Variants in MTA3 observed in about 807,000 individuals in gnomAD.
MTA3 encodes the protein metastasis-associated protein MTA3.
Under a neutral mutation model 83.5 loss-of-function variants are expected in MTA3, and 34 were observed. The ratio of observed to expected loss-of-function variants is 0.41; its 90% CI spans 0.31 to 0.54. MTA3 has a LOEUF of 0.54. Among genes scored for constraint, MTA3 ranks in the 20% least tolerant of loss-of-function variants. MTA3 has a pLI of 0.33. For missense variants in MTA3, 761 were observed against 726.4 expected (o/e 1.05, Z -0.55); for synonymous variants, 303 against 252.7 (o/e 1.20, Z -1.89).
intron 2 of MTA3, among the ~76,000 whole-genome samples, chr2:42,524,488 T>TTTG (rs1248276586): frequency 1.4e-5 from 2 of 145,722 alleles, no homozygotes. Flanking sequence ...TTTTTTTTTT[T>TTTG]TTTTTTTTGT....
chr2:42,677,600 T>C (rs1691498997), intron 8 of MTA3, among the ~76,000 whole-genome samples: 1 of 152,146 alleles, frequency 6.6e-6, no homozygotes, highest in South Asian at 2.1e-4. Flanking sequence ...TGCCTCAGCC[T>C]CCCAAAGTAC....
chr2:42,738,155 G>A (rs531107129), intron 16 of MTA3, among the ~76,000 whole-genome samples: 1 of 152,178 alleles, frequency 6.6e-6, no homozygotes, highest in South Asian at 2.1e-4. Flanking sequence ...CCAGCTACTC[G>A]GGAGGCTGAG....
At chr2:42,729,649 G>T (rs1453220385) in intron 16 of MTA3, among the ~76,000 whole-genome samples, 2 of 152,094 alleles carry the variant, frequency 1.3e-5, no homozygotes, top group East Asian at 3.8e-4. Flanking sequence ...CCATTGGTCT[G>T]TATGTCTGTT....
chr2:42,647,778 G>C lies in MTA3; in HGVS notation c.499+3534G>C, dbSNP rs1573464310. On this transcript the variant is annotated intron_variant, in intron 6 of 16. Transcript: ENST00000405094. ...TCTTATTTCAGCCTGAAGCATTAAA[G>C]CATATGCAGAATGTTTCTTTTCACT... Among the ~76,000 whole-genome samples the C allele has an allele frequency of 3.3e-5, 5 of 152,292 alleles. No individual in the cohort carries two copies. In the South Asian group the frequency reaches 1.0e-3, roughly 32 times the overall value.
Position 42,756,752 on chromosome 2 carries a change from C to G in MTA3, c.*3353C>G. 3.0e-6 allele frequency: 3 copies of G among 985,482 alleles called. No homozygotes were observed. The highest frequency in any genetic ancestry group is 3.6e-6 in the Non-Finnish European group (3 of 829,958). The allele number at this position is 985,482 out of a possible 1,614,324, so 61.0% of individuals were successfully genotyped here. On this transcript the variant is annotated 3_prime_UTR_variant, in exon 17 of 17. Transcript: ENST00000405094. ...CCATGTCCCAGTTTTCTGTCCACCC[C>G]TCCTGTTCCTCTGCACTATGTCTCT...
At chr2:42,701,243 A>G (rs1693833662) in intron 11 of MTA3, among the ~76,000 whole-genome samples, 1 of 147,696 alleles carries the variant, frequency 6.8e-6, no homozygotes, top group Non-Finnish European at 1.5e-5. Context: ...TTGAGGCTGC[A>G]ATGGGCCATG....
intron 2 of MTA3, among the ~76,000 whole-genome samples, chr2:42,516,596 C>G (rs1468142544): frequency 2.0e-5 from 3 of 152,154 alleles, no homozygotes; most frequent in African/African-American, 7.2e-5. Context: ...AAGGAAATGG[C>G]TCACCGGCGG....
intron 2 of MTA3, among the ~76,000 whole-genome samples, chr2:42,534,561 C>T (rs1001216530): frequency 1.3e-5 from 2 of 151,938 alleles, no homozygotes; most frequent in East Asian, 1.9e-4. Context: ...CGAGCCACCG[C>T]ACTCCAGCCT....
intron 14 of MTA3, among the ~76,000 whole-genome samples, chr2:42,717,036 A>G (rs780795240): frequency 3.3e-5 from 5 of 151,894 alleles, no homozygotes; most frequent in Non-Finnish European, 5.9e-5. Context: ...ACTAGTGTGA[A>G]ATAGTATCTC....
Position 42,755,493 on chromosome 2 carries a change from C to G in MTA3, c.*2094C>G, listed in dbSNP as rs1031796763. 58 of 985,346 alleles carry G rather than the reference C, an allele frequency of 5.9e-5. No homozygotes were observed. Among genetic ancestry groups the G allele is most frequent in the Non-Finnish European group, 7.0e-5 (58 of 829,970 alleles). The allele number at this position is 985,346 out of a possible 1,614,324, so 61.0% of individuals were successfully genotyped here. A position where few individuals can be genotyped will look rare whatever the true frequency, so the allele number is the denominator to read the frequency against. ...CGCAGCTTGTTCGAGCCACGTGTGC[C>G]AAGCAGGCTTTTCCTTCCTCTTGTA... On this transcript the variant is annotated 3_prime_UTR_variant, in exon 17 of 17. Transcript: ENST00000405094.
intron 6 of MTA3, 82 bp downstream of exon 6, chr2:42,644,326 C>A: frequency 1.2e-6 from 1 of 859,228 alleles, no homozygotes; most frequent in Non-Finnish European, 1.8e-6. Flanking sequence ...GTAGAAGAGG[C>A]AATGTTCAGG....
chr2:42,602,717 A>T (rs975088578), intron 3 of MTA3, among the ~76,000 whole-genome samples: 2 of 152,154 alleles, frequency 1.3e-5, no homozygotes, highest in African/African-American at 2.4e-5. Context: ...ACACTCCCTA[A>T]TGAGGTTTTT....
intron 2 of MTA3, among the ~76,000 whole-genome samples, chr2:42,544,184 A>C (rs904976563): frequency 6.6e-6 from 1 of 152,160 alleles, no homozygotes; most frequent in Non-Finnish European, 1.5e-5. Context: ...ACGGTGGCTC[A>C]CGCCTGTAAT....
chr2:42,628,248 G>C (rs946127717), intron 4 of MTA3, among the ~76,000 whole-genome samples: 5 of 72,872 alleles, frequency 6.9e-5, no homozygotes, highest in Non-Finnish European at 1.4e-4. Context: ...ATTTATTTTT[G>C]AGATGGAGTT....
chr2:42,513,121 G>A (rs1303856335), intron 2 of MTA3, among the ~76,000 whole-genome samples: 3 of 152,172 alleles, frequency 2.0e-5, no homozygotes, highest in Non-Finnish European at 4.4e-5. Flanking sequence ...CTGGGCATAC[G>A]AGAGGCTAGT....
chr2:42,750,684 G>T (rs1264061573), intron 16 of MTA3, among the ~76,000 whole-genome samples: 1 of 152,176 alleles, frequency 6.6e-6, no homozygotes, highest in Non-Finnish European at 1.5e-5. Flanking sequence ...GAAGGCTGGG[G>T]GCTCACCATT....
intron 4 of MTA3, among the ~76,000 whole-genome samples, chr2:42,626,555 C>G (rs1166015966): frequency 1.3e-5 from 2 of 152,014 alleles, no homozygotes; most frequent in Non-Finnish European, 2.9e-5. Flanking sequence ...CTCGGCCCCC[C>G]AAAGTGCTGG....
chr2:42,718,560 C>T (rs1257832342), intron 14 of MTA3, among the ~76,000 whole-genome samples: 5 of 151,304 alleles, frequency 3.3e-5, no homozygotes, highest in South Asian at 2.1e-4. Flanking sequence ...ATTAGGAGTT[C>T]GAGACCAGCC....
chr2:42,517,115 C>T (rs983409473), intron 2 of MTA3, among the ~76,000 whole-genome samples: 1 of 151,590 alleles, frequency 6.6e-6, no homozygotes, highest in Admixed American at 6.6e-5. Context: ...CAAAAATAAA[C>T]CGGGTGTGGT....
Sources: gnomAD v4.1 joint callset for allele counts (sites outside exome capture counted in the v4.1 genomes callset) on GRCh38, gnomAD v4.1.1 for gene constraint, MANE v1.5 for transcripts, NCBI Gene and HGNC (gene_info 2026-07-23, HGNC 2026-07-21) for gene names.